The following CFAP54 variants were observed in gnomAD, a reference collection of about 807,000 sequenced individuals.
The protein encoded by CFAP54 is cilia- and flagella-associated protein 54.
A neutral mutation model predicts 370.4 loss-of-function variants in CFAP54; 290 were observed. The ratio of observed to expected loss-of-function variants is 0.78; its 90% CI spans 0.71 to 0.86. The LOEUF (loss-of-function observed/expected upper bound fraction) is 0.86. Among genes scored for constraint, CFAP54 ranks in the 40% least tolerant of loss-of-function variants. The pLI, the probability that CFAP54 is intolerant of heterozygous loss-of-function variation, is 0.00. For missense variants in CFAP54, 3,399 were observed against 3,528.7 expected (o/e 0.96, Z 0.93); for synonymous variants, 1,206 against 1,236.5 (o/e 0.98, Z 0.52).
Position 96,554,683 on chromosome 12 carries a change from A to G in CFAP54, c.2291A>G (p.His764Arg), listed in dbSNP as rs2136401214. Residue 764 changes from histidine (H) to arginine (R), a missense_variant, in exon 17 of 68, where the codon CAC (histidine) becomes CGC (arginine). Around this residue, in one of 3 missense-constraint regions of CFAP54, gnomAD observed 2,796 missense variants for 2,869.7 expected, o/e 0.97. Coordinates refer to ENST00000524981, the MANE Select transcript of CFAP54 (RefSeq NM_001306084.2). ...AACTCTGTTGGACCAAAGCGTACCC[A>G]CCATATAGATGGAGATACTTACAAA... ...VIDHCYAKRT[H>R]HIDGDTYKPL... 6.5e-7 allele frequency: 1 copy of G among 1,532,864 alleles called. No individual in the cohort carries two copies. Among genetic ancestry groups the G allele is most frequent in the Non-Finnish European group, 8.7e-7 (1 of 1,145,030 alleles). 95.0% of individuals were successfully genotyped at this position (1,532,864 alleles called of 1,614,324 possible).
chr12:96,708,886 G>A, intron 48 of CFAP54, 83 bp downstream of exon 48: 1 of 1,082,948 alleles, frequency 9.2e-7, no homozygotes, highest in Non-Finnish European at 1.3e-6. Context: ...CTATATAAAT[G>A]ATACAGTATA....
chr12:96,648,309 C>A (rs2136498709), intron 34 of CFAP54, among the ~76,000 whole-genome samples: 1 of 152,202 alleles, frequency 6.6e-6, no homozygotes, highest in South Asian at 2.1e-4. Flanking sequence ...ATATTCATAG[C>A]CTTTGGTGGT....
At position 96,826,852 on chromosome 12, in the gene CFAP54, A is replaced by G. The variant is rs1005015386; in HGVS notation, c.9097-2162A>G. Among the ~76,000 whole-genome samples, 20 of 117,620 alleles carry G rather than the reference A, an allele frequency of 1.7e-4. No homozygotes were observed. The East Asian group carries it at 3.3e-3, about 19-fold the overall frequency. 77.2% of individuals were successfully genotyped at this position (117,620 alleles called of 152,430 possible). ...TATAATATATCATATAATATTATAT[A>G]ATATATTATATAATATTATGATATA... is the stretch of plus-strand genomic sequence containing the variant. On this transcript the variant is annotated intron_variant, in intron 65 of 67. Transcript: ENST00000524981.
At chr12:96,644,667 G>A (rs1211950803) in intron 33 of CFAP54, among the ~76,000 whole-genome samples, 1 of 152,154 alleles carries the variant, frequency 6.6e-6, no homozygotes, top group Non-Finnish European at 1.5e-5. Context: ...AGAAGGGGAA[G>A]CAAACATGTC....
chr12:96,618,285 C>T (rs1956444918), intron 26 of CFAP54, among the ~76,000 whole-genome samples: 1 of 152,154 alleles, frequency 6.6e-6, no homozygotes, highest in Non-Finnish European at 1.5e-5. Flanking sequence ...TATCGACATA[C>T]TCCAAAACAT....
chr12:96,780,808 G>A (rs932781016), intron 60 of CFAP54, among the ~76,000 whole-genome samples: 2 of 152,082 alleles, frequency 1.3e-5, no homozygotes, highest in Non-Finnish European at 1.5e-5. Flanking sequence ...AATTTGACTA[G>A]CATCAGGCTT....
In CFAP54 at chr12:96,679,639, A is replaced by T. The variant is rs758597614; in HGVS notation, c.5603A>T (p.Asp1868Val). Residue 1868 changes from aspartate (D) to valine (V), a missense_variant, in exon 40 of 68, where the codon GAC (aspartate) becomes GTC (valine). Asp to Val is a radical substitution (Grantham distance 152). This residue lies in a region of CFAP54 where 2,796 missense variants were observed against 2,869.7 expected (regional missense o/e 0.97). Coordinates refer to ENST00000524981, the MANE Select transcript of CFAP54 (RefSeq NM_001306084.2). ...AAAGCGCTTGTCTGCGTGCCCGTGGACGTGACAGACACCTTGAGGTGTTTT... is the reference window on the plus strand; with the variant it reads ...AAAGCGCTTGTCTGCGTGCCCGTGGTCGTGACAGACACCTTGAGGTGTTTT... ...RAKALVCVPV[D>V]VTDTLRCFRE... is the part of the protein sequence containing the mutation. 2 of 1,613,722 alleles carry T rather than the reference A, an allele frequency of 1.2e-6. No individual in the cohort carries two copies. The highest frequency in any genetic ancestry group is 3.3e-4 in the Middle Eastern group (2 of 6,062).
At chr12:96,670,379 G>A (rs1344822285) in intron 39 of CFAP54, among the ~76,000 whole-genome samples, 1 of 152,190 alleles carries the variant, frequency 6.6e-6, no homozygotes, top group African/African-American at 2.4e-5. Context: ...ACCTAATGAG[G>A]TAGGTTTGTT....
chr12:96,516,369 G>A (rs10777799), intron 5 of CFAP54, among the ~76,000 whole-genome samples: 15,200 of 142,232 alleles, frequency 0.11, 1,245 homozygotes, highest in East Asian at 0.45. Context: ...ATAGAATCCC[G>A]TCATGACCCA....
intron 45 of CFAP54, among the ~76,000 whole-genome samples, chr12:96,696,413 T>A (rs932701483): frequency 6.6e-6 from 1 of 152,112 alleles, no homozygotes; most frequent in South Asian, 2.1e-4. Flanking sequence ...AGGGTTGCAA[T>A]GATCATAACT....
At chr12:96,747,002 T>C (rs1958122239) in intron 55 of CFAP54, among the ~76,000 whole-genome samples, 1 of 152,228 alleles carries the variant, frequency 6.6e-6, no homozygotes, top group Non-Finnish European at 1.5e-5. Context: ...TTATTCTTAT[T>C]GTAATGCTTA....
At chr12:96,859,942 A>G (rs1283098551) in intron 66 of CFAP54, among the ~76,000 whole-genome samples, 4 of 152,080 alleles carry the variant, frequency 2.6e-5, no homozygotes, top group Non-Finnish European at 5.9e-5. Flanking sequence ...TCACCTCTCT[A>G]TTGTTTGCAG....
intron 13 of CFAP54, among the ~76,000 whole-genome samples, chr12:96,539,347 C>G (rs1239137213): frequency 3.9e-5 from 6 of 152,002 alleles, no homozygotes; most frequent in African/African-American, 1.2e-4. Context: ...ATGTGAGCCC[C>G]TGCGCCCGGC....
intron 50 of CFAP54, among the ~76,000 whole-genome samples, chr12:96,721,674 AAAT>A (rs1012184598): frequency 4.6e-5 from 7 of 152,220 alleles, no homozygotes; most frequent in African/African-American, 1.7e-4. Context: ...TTCGTTTAAA[AAAT>A]AAGTTTGTGC....
chr12:96,577,677 A>G (rs1397852183), intron 20 of CFAP54, among the ~76,000 whole-genome samples: 7 of 152,098 alleles, frequency 4.6e-5, no homozygotes, highest in Admixed American at 4.6e-4. Flanking sequence ...TTATTGTGAA[A>G]ATTAAATGAG....
At chr12:96,674,330 G>A (rs1312904701) in intron 39 of CFAP54, among the ~76,000 whole-genome samples, 1 of 79,446 alleles carries the variant, frequency 1.3e-5, no homozygotes, top group South Asian at 3.7e-4. Context: ...AAGACACAAT[G>A]TTTTTCTTTT....
At chr12:96,499,916 A>G (rs1330440813) in intron 1 of CFAP54, among the ~76,000 whole-genome samples, 1 of 147,368 alleles carries the variant, frequency 6.8e-6, no homozygotes, top group Non-Finnish European at 1.5e-5. Flanking sequence ...ACTGCACTCC[A>G]GCCTGTGTGA....
intron 14 of CFAP54, among the ~76,000 whole-genome samples, chr12:96,547,134 A>C (rs940695834): frequency 3.9e-5 from 6 of 152,166 alleles, no homozygotes; most frequent in Admixed American, 1.3e-4. Flanking sequence ...GTCTTCTCTG[A>C]TATTTGTCCA....
intron 67 of CFAP54, among the ~76,000 whole-genome samples, chr12:96,870,030 G>T (rs780118190): frequency 2.6e-5 from 4 of 151,394 alleles, no homozygotes; most frequent in African/African-American, 9.7e-5. Context: ...TTTGGATGCC[G>T]AGGTGGGCGG....
Sources: gnomAD v4.1 joint callset for allele counts (sites outside exome capture counted in the v4.1 genomes callset) on GRCh38, gnomAD v4.1.1 for gene constraint, gnomAD v4.1.1 regional missense constraint, MANE v1.5 for transcripts, NCBI Gene and HGNC (gene_info 2026-07-23, HGNC 2026-07-21) for gene names.